GPR141: variants seen among roughly 807,000 people sequenced by gnomAD.
GPR141 encodes G protein-coupled receptor 141.
A neutral mutation model predicts 6.8 loss-of-function variants in GPR141; 6 were observed. The observed-to-expected ratio is 0.88, with a 90% CI of 0.48 to 1.74. The LOEUF (loss-of-function observed/expected upper bound fraction) is 1.74. Ranked by LOEUF, GPR141 falls within the 40% of genes most tolerant of loss-of-function variation. The probability of loss-of-function intolerance (pLI) is 0.01; values close to 1 mark genes in which losing one functional copy is unlikely to be tolerated. For synonymous variants in GPR141, 140 were observed against 142.3 expected, an observed-to-expected ratio of 0.98 and a Z score of 0.11; for missense variants, 372 against 372.9, an observed-to-expected ratio of 1.00 and a Z score of 0.02.
At position 37,699,151 on chromosome 7, in the gene GPR141, GT is replaced by G. The variant is rs556449251; in HGVS notation, c.-15+13577del. 4.2e-4 allele frequency among the ~76,000 whole-genome samples: 63 copies of G among 151,718 alleles called. No individual in the cohort carries two copies. The East Asian group carries it at 0.012, about 28-fold the overall frequency. ...TTTGATCCAGAATCACGGATTGGCA[GT>G]TTTTTTTTCTATGAAGAATCAGATA... On this transcript the variant is annotated intron_variant, in intron 2 of 2. Transcript: ENST00000334425.
In GPR141 at chr7:37,735,091, C is replaced by T. The variant is rs1251096120; in HGVS notation, c.-14-5289C>T. The stretch of plus-strand genomic sequence containing the variant: ...ACATTAAAAATTGCGTTAGCTTCTG[C>T]ATCTTCATGGGATGGAAGGTTGATC... On this transcript the variant is annotated intron_variant, in intron 2 of 2. Transcript: ENST00000334425. Among the ~76,000 whole-genome samples, 7 of 152,284 alleles carry T rather than the reference C, an allele frequency of 4.6e-5. No homozygotes were observed. The East Asian group carries it at 1.2e-3, about 25-fold the overall frequency.
chr7:37,695,581 T>C (rs1809978368), intron 2 of GPR141, among the ~76,000 whole-genome samples: 1 of 152,196 alleles, frequency 6.6e-6, no homozygotes, highest in Admixed American at 6.5e-5. Flanking sequence ...TAGGAGTCCT[T>C]GTGTTTCCTT....
At chr7:37,715,851 C>G (rs1459792154) in intron 2 of GPR141, among the ~76,000 whole-genome samples, 3 of 152,180 alleles carry the variant, frequency 2.0e-5, no homozygotes, top group Non-Finnish European at 4.4e-5. Flanking sequence ...ACACATTCCA[C>G]TACCTAAAAC....
intron 2 of GPR141, among the ~76,000 whole-genome samples, chr7:37,714,970 T>G (rs1323798373): frequency 6.6e-6 from 1 of 152,250 alleles, no homozygotes; most frequent in Non-Finnish European, 1.5e-5. Context: ...ATTATTTGTC[T>G]TTATCCTGAA....
At chr7:37,691,372 G>A (rs1473517235) in intron 2 of GPR141, among the ~76,000 whole-genome samples, 1 of 141,768 alleles carries the variant, frequency 7.1e-6, no homozygotes, top group Non-Finnish European at 1.5e-5. Context: ...TTGGCTCACT[G>A]CAACCTCTGC....
At chr7:37,714,525 A>G (rs1188844775) in intron 2 of GPR141, among the ~76,000 whole-genome samples, 1 of 152,138 alleles carries the variant, frequency 6.6e-6, no homozygotes, top group African/African-American at 2.4e-5. Context: ...TTATAAAAGG[A>G]TTTTTGAATA....
chr7:37,736,524 G>A (rs2131857722), intron 2 of GPR141, among the ~76,000 whole-genome samples: 1 of 146,614 alleles, frequency 6.8e-6, no homozygotes, highest in African/African-American at 2.5e-5. Flanking sequence ...AGGCAAAAGT[G>A]CAAAAAAATC....
chr7:37,716,910 G>A (rs1266816993), intron 2 of GPR141, among the ~76,000 whole-genome samples: 1 of 152,210 alleles, frequency 6.6e-6, no homozygotes, highest in African/African-American at 2.4e-5. Flanking sequence ...TTAAGGGGAG[G>A]GTTTTCCTTT....
chr7:37,713,002 A>G (rs2131793326), intron 2 of GPR141, among the ~76,000 whole-genome samples: 1 of 152,338 alleles, frequency 6.6e-6, no homozygotes, highest in South Asian at 2.1e-4. Context: ...GTAATGATAG[A>G]GGCATAGGGG....
intron 2 of GPR141, among the ~76,000 whole-genome samples, chr7:37,738,258 C>T (rs772422352): frequency 1.6e-4 from 24 of 152,156 alleles, no homozygotes; most frequent in Non-Finnish European, 3.1e-4. Context: ...ATGTGTTTCT[C>T]ATATCTGGCA....
chr7:37,711,998 A>G (rs1047439831), intron 2 of GPR141, among the ~76,000 whole-genome samples: 2 of 152,258 alleles, frequency 1.3e-5, no homozygotes, highest in Admixed American at 6.5e-5. Context: ...TCATTTCATA[A>G]CAATTCAGGA....
intron 2 of GPR141, among the ~76,000 whole-genome samples, chr7:37,716,954 G>C (rs1811078034): frequency 6.6e-6 from 1 of 152,214 alleles, no homozygotes; most frequent in Non-Finnish European, 1.5e-5. Context: ...CCTGCCAAGG[G>C]GCTGAGGGTG....
intron 2 of GPR141, chr7:37,709,626 TTTAATTCACCAATTTTATAGA>T (rs1246115741): frequency 6.6e-6 from 1 of 152,222 alleles, no homozygotes; most frequent in Non-Finnish European, 1.5e-5. Flanking sequence ...GTCACAATAT[TTTAATTCACCAATTTTATAGA>T]TTAAAAGATA....
intron 2 of GPR141, among the ~76,000 whole-genome samples, chr7:37,714,185 A>G (rs985035032): frequency 1.3e-5 from 2 of 152,160 alleles, no homozygotes; most frequent in African/African-American, 4.8e-5. Flanking sequence ...AACACGTGTT[A>G]TTATTATCCT....
intron 1 of GPR141, chr7:37,685,240 G>A (rs898124349): frequency 2.6e-5 from 4 of 152,192 alleles, no homozygotes; most frequent in African/African-American, 9.7e-5. Flanking sequence ...CTCAGCTAAG[G>A]GAGTTCCTGG....
At position 37,740,565 on chromosome 7, in the gene GPR141, T is replaced by C. The variant is rs1229739294; in HGVS notation, c.172T>C (p.Leu58=). The change falls in exon 3 of 3, where the codon TTG becomes CTG. Residue 58 remains leucine, a synonymous_variant. Coordinates refer to ENST00000334425, the MANE Select transcript of GPR141 (RefSeq NM_001381946.1). ...RSVTTMAVIN[L]VVVHSVFLLT... ...AGTGACCACCATGGCGGTCATTAAC[T>C]TGGTGGTGGTCCACAGCGTTTTTCT... The C allele has an allele frequency of 6.2e-6, 10 of 1,614,140 alleles. No homozygotes were observed. Among genetic ancestry groups the C allele is most frequent in the Non-Finnish European group, 8.5e-6 (10 of 1,179,996 alleles).
intron 2 of GPR141, among the ~76,000 whole-genome samples, chr7:37,713,046 C>T (rs928580900): frequency 1.3e-5 from 2 of 152,176 alleles, no homozygotes; most frequent in Admixed American, 1.3e-4. Context: ...AATGCCAGAG[C>T]CACAAGCTAG....
At chr7:37,696,896 AGGTTTTCTTAGTTGCG>A (rs1172981027) in intron 2 of GPR141, among the ~76,000 whole-genome samples, 1 of 152,116 alleles carries the variant, frequency 6.6e-6, no homozygotes, top group East Asian at 1.9e-4. Flanking sequence ...AAACATATAT[AGGTTTTCTTAGTTGCG>A]TTTTCTGGAA....
At chr7:37,735,252 C>T (rs1812174831) in intron 2 of GPR141, among the ~76,000 whole-genome samples, 1 of 152,182 alleles carries the variant, frequency 6.6e-6, no homozygotes, top group Non-Finnish European at 1.5e-5. Flanking sequence ...GAGAAAAGCT[C>T]AAAGCAACTT....
Sources: gnomAD v4.1 joint callset for allele counts (sites outside exome capture counted in the v4.1 genomes callset) on GRCh38, gnomAD v4.1.1 for gene constraint, MANE v1.5 for transcripts, NCBI Gene and HGNC (gene_info 2026-07-23, HGNC 2026-07-21) for gene names.